Variants in CTNNBL1 observed in about 807,000 individuals in gnomAD.
The protein encoded by CTNNBL1 is beta-catenin-like protein 1.
Under a neutral mutation model 72.7 loss-of-function variants are expected in CTNNBL1, and 31 were observed. The ratio of observed to expected loss-of-function variants is 0.43; its 90% CI spans 0.32 to 0.58. The LOEUF is 0.58. Among genes scored for constraint, CTNNBL1 ranks in the 20% least tolerant of loss-of-function variants. The probability of loss-of-function intolerance (pLI) is 0.08; values close to 1 mark genes in which losing one functional copy is unlikely to be tolerated. For synonymous variants in CTNNBL1, 240 were observed against 267.3 expected (o/e 0.90, Z 1.00); for missense variants, 534 against 725.1 (o/e 0.74, Z 3.03).
chr20:37,765,051 A>T (rs1236686298), intron 5 of CTNNBL1, 146 bp from the exon 6 acceptor site: 12 of 631,112 alleles, frequency 1.9e-5, no homozygotes, highest in Non-Finnish European at 3.5e-5. Flanking sequence ...AGATAATGGG[A>T]TGGGAGAGCA....
chr20:37,838,541 T>C (rs1031576734), intron 11 of CTNNBL1, among the ~76,000 whole-genome samples: 1 of 152,212 alleles, frequency 6.6e-6, no homozygotes, highest in Non-Finnish European at 1.5e-5. Context: ...TGGAAACAAC[T>C]ATGGGAAACA....
intron 7 of CTNNBL1, among the ~76,000 whole-genome samples, chr20:37,770,732 G>T (rs1426849939): frequency 6.6e-6 from 1 of 152,136 alleles, no homozygotes; most frequent in Non-Finnish European, 1.5e-5. Context: ...TAGCCATGTT[G>T]CTGTCTCTGA....
chr20:37,803,931 A>G (rs923607298), intron 11 of CTNNBL1, among the ~76,000 whole-genome samples: 1 of 151,854 alleles, frequency 6.6e-6, no homozygotes, highest in Admixed American at 6.6e-5. Flanking sequence ...CCTCATCCTC[A>G]TAGACGAAAG....
chr20:37,774,450 G>A (rs972750394), intron 7 of CTNNBL1, among the ~76,000 whole-genome samples: 1 of 152,144 alleles, frequency 6.6e-6, no homozygotes, highest in Admixed American at 6.6e-5. Context: ...GCTCAGCGTT[G>A]GGGAGTTATC....
intron 1 of CTNNBL1, among the ~76,000 whole-genome samples, chr20:37,695,911 C>T (rs181670201): frequency 1.3e-5 from 2 of 152,160 alleles, no homozygotes; most frequent in Non-Finnish European, 2.9e-5. Context: ...TGACCCTGGA[C>T]GCTTAAGACA....
intron 1 of CTNNBL1, among the ~76,000 whole-genome samples, chr20:37,710,990 C>T (rs1388943714): frequency 6.6e-6 from 1 of 152,152 alleles, no homozygotes; most frequent in Non-Finnish European, 1.5e-5. Flanking sequence ...CTCTGTGGCT[C>T]CCAACCCAGA....
At chr20:37,780,078 AT>A (rs2073613370) in intron 10 of CTNNBL1, among the ~76,000 whole-genome samples, 1 of 151,594 alleles carries the variant, frequency 6.6e-6, no homozygotes, top group African/African-American at 2.4e-5. Context: ...AAAAAAAAAA[AT>A]CGAGCATGTT....
intron 7 of CTNNBL1, among the ~76,000 whole-genome samples, chr20:37,771,131 A>C (rs964948380): frequency 6.6e-6 from 1 of 152,286 alleles, no homozygotes; most frequent in East Asian, 1.9e-4. Flanking sequence ...CCAATCTCAC[A>C]GGGTTATTGC....
At chr20:37,786,688 G>A (rs930610132) in intron 10 of CTNNBL1, among the ~76,000 whole-genome samples, 1 of 150,634 alleles carries the variant, frequency 6.6e-6, no homozygotes, top group East Asian at 2.0e-4. Flanking sequence ...CTACTTTTTT[G>A]TTTATTCTGT....
intron 11 of CTNNBL1, among the ~76,000 whole-genome samples, chr20:37,825,312 C>T (rs549748424): frequency 1.1e-4 from 16 of 152,014 alleles, no homozygotes; most frequent in Non-Finnish European, 2.1e-4. Context: ...GAGATTGCAT[C>T]GCTGTACTCC....
At chr20:37,788,792 T>C (rs2073700089) in intron 10 of CTNNBL1, among the ~76,000 whole-genome samples, 1 of 152,234 alleles carries the variant, frequency 6.6e-6, no homozygotes, top group Admixed American at 6.5e-5. Flanking sequence ...TCATGCAGAT[T>C]TGTAGTCTCT....
At position 37,860,024 on chromosome 20, in the gene CTNNBL1, C is replaced by T. The variant is rs748942373; in HGVS notation, c.1518C>T (p.Ala506=). 1.2e-6 allele frequency: 2 copies of T among 1,614,176 alleles called. No homozygotes were observed. The highest frequency in any genetic ancestry group is 1.1e-5 in the South Asian group (1 of 91,082). ...ACATCATGGCCGAGATCTGCAATGCCAATGTCCCCCAGGTAGGAGGGTCTT... is the reference window on the plus strand; with the variant it reads ...ACATCATGGCCGAGATCTGCAATGCTAATGTCCCCCAGGTAGGAGGGTCTT... The part of the protein sequence containing the change: ...ICYIMAEICN[A]NVPQIRQRVH... The change falls in exon 14 of 16, where the codon GCC becomes GCT. Residue 506 remains alanine, a synonymous_variant. Transcript: ENST00000361383.
rs371551283 is a variant in CTNNBL1 at position 37,746,630 on chromosome 20, A to G, written c.466+23A>G. On this transcript the variant is annotated intron_variant, in intron 4 of 15. Coordinates refer to ENST00000361383, the MANE Select transcript of CTNNBL1 (RefSeq NM_030877.5). ...CAGATATCCTTTCAGATCTGACCTCAGTAGGAGAGCTGACATGGTGGGGAA... is the reference window on the plus strand; with the variant it reads ...CAGATATCCTTTCAGATCTGACCTCGGTAGGAGAGCTGACATGGTGGGGAA... 2.0e-4 allele frequency: 327 copies of G among 1,613,780 alleles called. 2 individuals carry two copies. Among genetic ancestry groups the G allele is most frequent in the Middle Eastern group, 1.5e-3 (9 of 6,082 alleles).
intron 13 of CTNNBL1, among the ~76,000 whole-genome samples, chr20:37,852,641 G>A (rs2235460): frequency 0.36 from 55,231 of 152,030 alleles, 10,349 homozygotes; most frequent in South Asian, 0.43. Flanking sequence ...AAGAGCACCG[G>A]ATCAGGGAAA....
intron 10 of CTNNBL1, among the ~76,000 whole-genome samples, chr20:37,782,673 A>G (rs1037206733): frequency 1.3e-5 from 2 of 152,220 alleles, no homozygotes; most frequent in African/African-American, 4.8e-5. Context: ...CATGTAATCA[A>G]TATGACAAAA....
intron 7 of CTNNBL1, among the ~76,000 whole-genome samples, chr20:37,772,059 A>C (rs981653026): frequency 1.3e-5 from 2 of 152,326 alleles, no homozygotes; most frequent in Middle Eastern, 3.4e-3. Context: ...GCTCGCCCTC[A>C]TGGAGCATCT....
At chr20:37,708,189 C>CTTTT (rs760708336) in intron 1 of CTNNBL1, among the ~76,000 whole-genome samples, 1 of 142,938 alleles carries the variant, frequency 7.0e-6, no homozygotes, top group Non-Finnish European at 1.5e-5. Context: ...GATAGACTTT[C>CTTTT]TTTTTTTTTT....
At chr20:37,786,639 A>G (rs763939791) in intron 10 of CTNNBL1, among the ~76,000 whole-genome samples, 1 of 152,100 alleles carries the variant, frequency 6.6e-6, no homozygotes, top group Non-Finnish European at 1.5e-5. Context: ...AGCATTTTGT[A>G]TATTTGTATA....
intron 10 of CTNNBL1, 98 bp from the exon 11 acceptor site, chr20:37,802,769 T>G (rs2073833031): frequency 3.3e-6 from 3 of 915,416 alleles, no homozygotes; most frequent in Non-Finnish European, 5.0e-6. Context: ...TATTTCCATT[T>G]AGATGTATAA....
Sources: gnomAD v4.1 joint callset for allele counts (sites outside exome capture counted in the v4.1 genomes callset) on GRCh38, gnomAD v4.1.1 for gene constraint, MANE v1.5 for transcripts, NCBI Gene and HGNC (gene_info 2026-07-23, HGNC 2026-07-21) for gene names.